PDE8B: variants seen among roughly 807,000 people sequenced by gnomAD.
The protein encoded by PDE8B is high affinity cAMP-specific and IBMX-insensitive 3',5'-cyclic phosphodiesterase 8B.
Under a neutral mutation model 101.3 loss-of-function variants are expected in PDE8B, and 26 were observed. That is an observed-to-expected ratio of 0.26 (90% confidence interval 0.19 to 0.36). PDE8B has a LOEUF of 0.36. PDE8B is among the 10% of genes least tolerant of loss of function. PDE8B has a pLI of 1.00. For synonymous variants in PDE8B, 424 were observed against 429.3 expected, an observed-to-expected ratio of 0.99 and a Z score of 0.15; for missense variants, 810 against 1,163.1, an observed-to-expected ratio of 0.70 and a Z score of 4.42.
chr5:77,100,965 C>CTTTTTTTTTTTTTTTTTT, the PDE8B span, among the ~76,000 whole-genome samples: 1 of 124,412 alleles, frequency 8.0e-6, no homozygotes, highest in African/African-American at 3.1e-5. Flanking sequence ...ATTTTTTTTC[C>CTTTTTTTTTTTTTTTTTT]TTTTTTTTTT....
intron 1 of PDE8B, among the ~76,000 whole-genome samples, chr5:77,223,863 C>T (rs911030911): frequency 2.6e-5 from 4 of 152,310 alleles, no homozygotes; most frequent in Admixed American, 2.0e-4. Flanking sequence ...CAGCCCCCTC[C>T]GCTGATCAGC....
chr5:77,408,848 T>A (rs759615858), intron 13 of PDE8B, 45 bp from the exon 14 acceptor site: 1 of 1,503,776 alleles, frequency 6.6e-7, no homozygotes. Flanking sequence ...TTTTGGGAAG[T>A]AGAACCCTAT....
chr5:77,291,002 C>T (rs574555821), intron 1 of PDE8B: 210 of 1,612,022 alleles, frequency 1.3e-4, no homozygotes, highest in African/African-American at 2.1e-4. Flanking sequence ...TGTCCTTCAC[C>T]GGGAGCACTC....
chr5:77,295,201 A>G (rs1394752858), intron 1 of PDE8B, among the ~76,000 whole-genome samples: 1 of 152,224 alleles, frequency 6.6e-6, no homozygotes, highest in African/African-American at 2.4e-5. Context: ...AAGTGAGCCA[A>G]TTATTCTACA....
intron 5 of PDE8B, among the ~76,000 whole-genome samples, chr5:77,336,137 T>G (rs1402784956): frequency 6.6e-6 from 1 of 152,228 alleles, no homozygotes; most frequent in Non-Finnish European, 1.5e-5. Flanking sequence ...TTCTATGTTA[T>G]TATTTGCTTA....
intron 3 of PDE8B, among the ~76,000 whole-genome samples, chr5:77,326,231 A>C (rs1487642301): frequency 6.6e-6 from 1 of 151,922 alleles, no homozygotes; most frequent in Non-Finnish European, 1.5e-5. Flanking sequence ...AGGGACCAAA[A>C]CCCCCTGCTT....
At chr5:77,359,573 A>G (rs17683175) in intron 10 of PDE8B, among the ~76,000 whole-genome samples, 37,262 of 152,044 alleles carry the variant, frequency 0.25, 5,167 homozygotes, top group East Asian at 0.46. Context: ...ATGTTTGTTT[A>G]TAAGGTATCC....
At chr5:77,134,636 C>T in the PDE8B span, 1 of 152,280 alleles carries the variant, frequency 6.6e-6, no homozygotes, top group East Asian at 1.9e-4. Context: ...GTGTATGGAT[C>T]CCAGGTGATC....
At chr5:77,151,447 G>A in the PDE8B span, 5 of 152,350 alleles carry the variant, frequency 3.3e-5, no homozygotes, top group East Asian at 9.6e-4. Context: ...TGATCTTCCT[G>A]TCTCAGGAGG....
chr5:77,419,549 A>G (rs1311906209), intron 18 of PDE8B, among the ~76,000 whole-genome samples: 1 of 152,200 alleles, frequency 6.6e-6, no homozygotes, highest in Non-Finnish European at 1.5e-5. Flanking sequence ...TAAAATACTC[A>G]TAAATCACAT....
intron 10 of PDE8B, among the ~76,000 whole-genome samples, chr5:77,353,612 C>G (rs141707125): frequency 6.6e-6 from 1 of 152,030 alleles, no homozygotes; most frequent in Admixed American, 6.6e-5. Context: ...TAGTGCACAT[C>G]GGTTATGATT....
At chr5:77,185,139 A>G in the PDE8B span, among the ~76,000 whole-genome samples, 1 of 152,338 alleles carries the variant, frequency 6.6e-6, no homozygotes, top group South Asian at 2.1e-4. Flanking sequence ...ACAGACCTCA[A>G]CCTGATGCGT....
At chr5:77,314,375 C>G (rs1347748803) in intron 2 of PDE8B, among the ~76,000 whole-genome samples, 1 of 152,056 alleles carries the variant, frequency 6.6e-6, no homozygotes, top group Non-Finnish European at 1.5e-5. Flanking sequence ...GTGTCCCTTG[C>G]ATCTTTGTAT....
At chr5:77,180,842 T>C in the PDE8B span, among the ~76,000 whole-genome samples, 1 of 152,182 alleles carries the variant, frequency 6.6e-6, no homozygotes, top group Non-Finnish European at 1.5e-5. Flanking sequence ...CGCCTGGTGT[T>C]TTCCACGCTT....
intron 10 of PDE8B, among the ~76,000 whole-genome samples, chr5:77,381,014 A>G (rs1329959804): frequency 3.3e-5 from 5 of 152,104 alleles, no homozygotes; most frequent in African/African-American, 1.2e-4. Flanking sequence ...AACAAGAGGG[A>G]TGGAAAGGAA....
At chr5:77,223,901 C>A (rs933345719) in intron 1 of PDE8B, among the ~76,000 whole-genome samples, 1 of 152,216 alleles carries the variant, frequency 6.6e-6, no homozygotes, top group African/African-American at 2.4e-5. Context: ...GGTGTCAGCC[C>A]AGGGTGTTAA....
chr5:77,219,857 G>A (rs1016525586), intron 1 of PDE8B, among the ~76,000 whole-genome samples: 2 of 152,132 alleles, frequency 1.3e-5, no homozygotes, highest in African/African-American at 4.8e-5. Context: ...AAGAAGGATG[G>A]CCAAATAAAG....
chr5:77,232,512 G>T (rs1017232780), intron 1 of PDE8B, among the ~76,000 whole-genome samples: 7 of 152,218 alleles, frequency 4.6e-5, no homozygotes, highest in Non-Finnish European at 8.8e-5. Flanking sequence ...TAGCTTAGGG[G>T]GAAGATGCTG....
chr5:77,196,833 T>A, the PDE8B span, among the ~76,000 whole-genome samples: 1 of 152,280 alleles, frequency 6.6e-6, no homozygotes, highest in Non-Finnish European at 1.5e-5. Context: ...GTTTTCTTTG[T>A]GAGCAGGCTG....
Sources: gnomAD v4.1 joint callset for allele counts (sites outside exome capture counted in the v4.1 genomes callset) on GRCh38, gnomAD v4.1.1 for gene constraint, MANE v1.5 for transcripts, NCBI Gene and HGNC (gene_info 2026-07-23, HGNC 2026-07-21) for gene names.